PABPC4L: variants seen among roughly 807,000 people sequenced by gnomAD.
PABPC4L encodes polyadenylate-binding protein 4-like.
For missense variants in PABPC4L, 452 were observed against 451.4 expected (o/e 1.00, Z -0.01); for synonymous variants, 169 against 164.1 (o/e 1.03, Z -0.23).
the PABPC4L span, among the ~76,000 whole-genome samples, chr4:133,993,962 A>T: frequency 6.6e-6 from 1 of 152,138 alleles, no homozygotes; most frequent in Non-Finnish European, 1.5e-5. Context: ...GAGTAAGCAG[A>T]GTCACTAACA....
the PABPC4L span, among the ~76,000 whole-genome samples, chr4:134,040,454 C>A: frequency 1.3e-5 from 2 of 152,040 alleles, no homozygotes; most frequent in Non-Finnish European, 2.9e-5. Context: ...TTTGACAAAC[C>A]TGACAAAAAC....
the PABPC4L span, among the ~76,000 whole-genome samples, chr4:134,093,410 C>A: frequency 1.3e-5 from 2 of 151,570 alleles, no homozygotes; most frequent in Non-Finnish European, 2.9e-5. Flanking sequence ...TTTTCCTTTT[C>A]ATCCAAGAGT....
chr4:134,011,673 C>T, the PABPC4L span, among the ~76,000 whole-genome samples: 8 of 151,906 alleles, frequency 5.3e-5, no homozygotes, highest in African/African-American at 9.7e-5. Context: ...ATTTAAATAA[C>T]GCCAAACTTT....
the PABPC4L span, among the ~76,000 whole-genome samples, chr4:134,043,443 A>G: frequency 0.7 from 106,626 of 152,024 alleles, 37,790 homozygotes; most frequent in East Asian, 0.95. Flanking sequence ...AATTTGCCAC[A>G]TCAGGTGGTT....
the PABPC4L span, among the ~76,000 whole-genome samples, chr4:134,159,271 G>A: frequency 6.6e-6 from 1 of 152,116 alleles, no homozygotes; most frequent in Non-Finnish European, 1.5e-5. Flanking sequence ...TGGCCAAATA[G>A]TGACCACCCC....
the PABPC4L span, among the ~76,000 whole-genome samples, chr4:134,064,194 A>G: frequency 2.6e-5 from 4 of 152,052 alleles, no homozygotes; most frequent in Non-Finnish European, 5.9e-5. Flanking sequence ...GCTTGTCCAG[A>G]TTAGAAGTTG....
chr4:134,099,614 A>G, the PABPC4L span, among the ~76,000 whole-genome samples: 1 of 151,700 alleles, frequency 6.6e-6, no homozygotes, highest in East Asian at 1.9e-4. Context: ...CTTTTAAAAA[A>G]CAATTACAAA....
chr4:134,144,543 C>T, the PABPC4L span, among the ~76,000 whole-genome samples: 1 of 148,714 alleles, frequency 6.7e-6, no homozygotes, highest in Non-Finnish European at 1.5e-5. Flanking sequence ...AATAAAACAG[C>T]TTAATGAGCT....
chr4:134,010,072 G>C, the PABPC4L span, among the ~76,000 whole-genome samples: 1 of 151,906 alleles, frequency 6.6e-6, no homozygotes, highest in South Asian at 2.1e-4. Context: ...CACTCTGTAT[G>C]GGTTTCTGAA....
At chr4:134,104,318 T>A in the PABPC4L span, among the ~76,000 whole-genome samples, 1 of 151,620 alleles carries the variant, frequency 6.6e-6, no homozygotes, top group Admixed American at 6.6e-5. Context: ...CTGACCATTA[T>A]CAGTTGAACA....
chr4:134,177,229 G>A, the PABPC4L span, among the ~76,000 whole-genome samples: 1 of 149,344 alleles, frequency 6.7e-6, no homozygotes, highest in African/African-American at 2.5e-5. Flanking sequence ...TCACCAGGCT[G>A]GAGTGCAGTG....
At chr4:134,117,145 C>T in the PABPC4L span, among the ~76,000 whole-genome samples, 1 of 151,688 alleles carries the variant, frequency 6.6e-6, no homozygotes, top group African/African-American at 2.4e-5. Flanking sequence ...ACAGTATCTC[C>T]CATTCCATAT....
chr4:134,015,983 C>T, the PABPC4L span, among the ~76,000 whole-genome samples: 1 of 152,086 alleles, frequency 6.6e-6, no homozygotes, highest in African/African-American at 2.4e-5. Flanking sequence ...GTTGAGTCTC[C>T]CACATTATTC....
At chr4:134,070,135 ATGTTGGTCCCCAGCTT>A in the PABPC4L span, among the ~76,000 whole-genome samples, 1 of 151,690 alleles carries the variant, frequency 6.6e-6, no homozygotes, top group Non-Finnish European at 1.5e-5. Flanking sequence ...GTGTGGTTTC[ATGTTGGTCCCCAGCTT>A]TGTTTTCTGG....
At chr4:134,171,226 C>T in the PABPC4L span, among the ~76,000 whole-genome samples, 1 of 152,112 alleles carries the variant, frequency 6.6e-6, no homozygotes, top group South Asian at 2.1e-4. Flanking sequence ...AGCAATTATG[C>T]TGCCTCAGCC....
At chr4:134,164,809 T>C in the PABPC4L span, among the ~76,000 whole-genome samples, 4 of 151,990 alleles carry the variant, frequency 2.6e-5, no homozygotes, top group African/African-American at 4.8e-5. Context: ...AGAGCCCCAA[T>C]AGCCAAAGCA....
downstream of PABPC4L, among the ~76,000 whole-genome samples, chr4:134,192,891 T>A (rs1217824723): frequency 6.6e-6 from 1 of 152,106 alleles, no homozygotes; most frequent in African/African-American, 2.4e-5. Context: ...GGGAGAGAGT[T>A]GGAGGGGTAC....
the PABPC4L span, among the ~76,000 whole-genome samples, chr4:134,189,043 G>T: frequency 6.6e-6 from 1 of 151,916 alleles, no homozygotes; most frequent in African/African-American, 2.4e-5. Flanking sequence ...CAAGCTTAGG[G>T]ATTTTCTCCT....
the PABPC4L span, among the ~76,000 whole-genome samples, chr4:134,017,753 A>C: frequency 6.6e-6 from 1 of 151,948 alleles, no homozygotes; most frequent in African/African-American, 2.4e-5. Context: ...TATATGACAA[A>C]TGTTTCTTCT....
Sources: gnomAD v4.1 joint callset for allele counts (sites outside exome capture counted in the v4.1 genomes callset) on GRCh38, gnomAD v4.1.1 for gene constraint, MANE v1.5 for transcripts, NCBI Gene and HGNC (gene_info 2026-07-23, HGNC 2026-07-21) for gene names.